Variants in ASIC2 observed in about 807,000 individuals in gnomAD.
ASIC2 encodes the protein acid sensing ion channel subunit 2, also known as acid-sensing ion channel 2.
In ASIC2, 25 loss-of-function variants were observed where a neutral mutation model predicts 57.3. The ratio of observed to expected loss-of-function variants is 0.44; its 90% confidence interval spans 0.32 to 0.61. ASIC2 has a LOEUF of 0.61. ASIC2 is among the 20% of genes least tolerant of loss of function. The pLI is 0.06. For synonymous variants in ASIC2, 319 were observed against 307.5 expected, an observed-to-expected ratio of 1.04 and a Z score of -0.39; for missense variants, 641 against 738.1, an observed-to-expected ratio of 0.87 and a Z score of 1.52.
chr17:34,136,158 G>A (rs1208219371), intron 1 of ASIC2, among the ~76,000 whole-genome samples: 1 of 152,158 alleles, frequency 6.6e-6, no homozygotes, highest in African/African-American at 2.4e-5. Flanking sequence ...CAGACTCTTT[G>A]TAGCAATAAC....
rs182160955 is a variant in ASIC2 at position 33,885,239 on chromosome 17, C to T, written c.555+270739G>A. Among the ~76,000 whole-genome samples, 277 of 152,274 alleles carry T rather than the reference C, an allele frequency of 1.8e-3. 6 individuals carry two copies. Among genetic ancestry groups the T allele is most frequent in the Non-Finnish European group, 3.1e-3 (212 of 68,026 alleles). On this transcript the variant is annotated intron_variant, in intron 1 of 9. Coordinates refer to the ASIC2 transcript ENST00000359872. ...GGACCTCTCAAAGTCTATACTTTTCCGCTGTGCCACTCTGCTACACTCAAA... is the reference window on the plus strand; with the variant it reads ...GGACCTCTCAAAGTCTATACTTTTCTGCTGTGCCACTCTGCTACACTCAAA...
chr17:34,067,057 G>GT (rs1909198734), intron 1 of ASIC2, among the ~76,000 whole-genome samples: 1 of 152,230 alleles, frequency 6.6e-6, no homozygotes, highest in Non-Finnish European at 1.5e-5. Flanking sequence ...CCTGGGTTAT[G>GT]TGAGCACGTG....
At chr17:33,865,661 G>C (rs1056260601) in intron 1 of ASIC2, among the ~76,000 whole-genome samples, 1 of 150,538 alleles carries the variant, frequency 6.6e-6, no homozygotes, top group Non-Finnish European at 1.5e-5. Context: ...TGACACATTA[G>C]TGGGTGCAGT....
chr17:33,807,516 GCCTACCAGA>G (rs1912301585), intron 1 of ASIC2, among the ~76,000 whole-genome samples: 1 of 152,106 alleles, frequency 6.6e-6, no homozygotes, highest in Non-Finnish European at 1.5e-5. Flanking sequence ...GAAAGTGCAG[GCCTACCAGA>G]GGGAGTAATT....
At chr17:33,554,280 C>T (rs1567648362) in intron 1 of ASIC2, among the ~76,000 whole-genome samples, 1 of 151,930 alleles carries the variant, frequency 6.6e-6, no homozygotes, top group Non-Finnish European at 1.5e-5. Context: ...AGTCTCTGTC[C>T]TGAGTGGGTT....
intron 3 of ASIC2, among the ~76,000 whole-genome samples, chr17:33,031,901 T>C (rs2091885310): frequency 1.3e-5 from 2 of 152,218 alleles, no homozygotes; most frequent in South Asian, 4.1e-4. Flanking sequence ...ATAACAGACA[T>C]GGCAGCTTTA....
At chr17:33,313,673 TA>T (rs1412754206) in intron 1 of ASIC2, among the ~76,000 whole-genome samples, 1 of 152,182 alleles carries the variant, frequency 6.6e-6, no homozygotes, top group Non-Finnish European at 1.5e-5. Context: ...TGACATTTGC[TA>T]AGAAATCCCT....
chr17:34,090,497 T>G (rs1910293738), intron 1 of ASIC2, among the ~76,000 whole-genome samples: 1 of 152,018 alleles, frequency 6.6e-6, no homozygotes, highest in Non-Finnish European at 1.5e-5. Flanking sequence ...GGTGGGGCAG[T>G]TTGAGGAACT....
intron 1 of ASIC2, among the ~76,000 whole-genome samples, chr17:33,871,297 T>A (rs977918663): frequency 1.3e-5 from 2 of 152,144 alleles, no homozygotes; most frequent in African/African-American, 4.8e-5. Flanking sequence ...TTGAAGTCAT[T>A]AAAAGCCCTC....
chr17:33,610,192 C>T (rs1037511139), intron 1 of ASIC2, among the ~76,000 whole-genome samples: 1 of 152,208 alleles, frequency 6.6e-6, no homozygotes, highest in Non-Finnish European at 1.5e-5. Context: ...GAGTCTGGCT[C>T]TGTTGCCCAC....
chr17:33,988,292 C>T (rs1170891164), intron 1 of ASIC2, among the ~76,000 whole-genome samples: 3 of 152,170 alleles, frequency 2.0e-5, no homozygotes, highest in Non-Finnish European at 4.4e-5. Context: ...CCTCCTTGCT[C>T]AGTGGAAGGT....
intron 1 of ASIC2, among the ~76,000 whole-genome samples, chr17:33,814,871 G>A (rs1035220118): frequency 2.0e-5 from 3 of 152,222 alleles, no homozygotes; most frequent in African/African-American, 7.2e-5. Flanking sequence ...TTCCTGGATA[G>A]TGGGGTCTGT....
At position 33,122,342 on chromosome 17, in the gene ASIC2, C is replaced by T. The variant is rs530272339; in HGVS notation, c.709-10275G>A. Among the ~76,000 whole-genome samples, 17 of 152,196 alleles carry T rather than the reference C, an allele frequency of 1.1e-4. No individual in the cohort carries two copies. The East Asian group carries it at 2.1e-3, about 19-fold the overall frequency. On this transcript the variant is annotated intron_variant, in intron 1 of 9. Coordinates refer to ENST00000225823, the MANE Select transcript of ASIC2 (RefSeq NM_183377.2). ...GGTGGAGCACATCTTAGTCTACGTT[C>T]GATCACCCATGACATGATGGATTTG...
At chr17:33,664,979 G>A (rs1907422325) in intron 1 of ASIC2, among the ~76,000 whole-genome samples, 1 of 152,134 alleles carries the variant, frequency 6.6e-6, no homozygotes, top group Non-Finnish European at 1.5e-5. Flanking sequence ...AATTGTTAAA[G>A]TGACTCTTTG....
At chr17:33,480,214 G>A (rs1214015852) in intron 1 of ASIC2, among the ~76,000 whole-genome samples, 1 of 152,220 alleles carries the variant, frequency 6.6e-6, no homozygotes, top group Non-Finnish European at 1.5e-5. Context: ...AAGTGTCATG[G>A]TTCCTGCCCA....
chr17:33,841,128 C>A (rs184839044), intron 1 of ASIC2, among the ~76,000 whole-genome samples: 6 of 152,308 alleles, frequency 3.9e-5, no homozygotes, highest in African/African-American at 1.2e-4. Flanking sequence ...TCTGGTTTAC[C>A]TGAGACTAAG....
At chr17:34,117,397 A>C (rs1309349447) in intron 1 of ASIC2, among the ~76,000 whole-genome samples, 1 of 152,210 alleles carries the variant, frequency 6.6e-6, no homozygotes, top group Non-Finnish European at 1.5e-5. Flanking sequence ...TGACAGATGA[A>C]CAGGAGTTTC....
chr17:33,412,969 C>T (rs1910716289), intron 1 of ASIC2, among the ~76,000 whole-genome samples: 1 of 152,150 alleles, frequency 6.6e-6, no homozygotes. Flanking sequence ...AGCTAAGGTG[C>T]TATGGACAAG....
chr17:33,508,629 G>T (rs1428323872), intron 1 of ASIC2, among the ~76,000 whole-genome samples: 1 of 152,208 alleles, frequency 6.6e-6, no homozygotes, highest in East Asian at 1.9e-4. Flanking sequence ...GCATTCCTGA[G>T]AAGTCAGGTG....
Sources: allele counts gnomAD v4.1 joint callset (sites outside exome capture counted in the v4.1 genomes callset), GRCh38; gene constraint gnomAD v4.1.1; transcripts MANE v1.5; gene names NCBI Gene and HGNC (gene_info 2026-07-23, HGNC 2026-07-21).